The following MAGI2 variants were observed in gnomAD, a reference collection of about 807,000 sequenced individuals.
MAGI2 encodes membrane-associated guanylate kinase, WW and PDZ domain-containing protein 2.
In MAGI2, 35 loss-of-function variants were observed where a neutral mutation model predicts 133.3. The ratio of observed to expected loss-of-function variants is 0.26; its 90% CI spans 0.20 to 0.35. MAGI2 has a LOEUF of 0.35. Among genes scored for constraint, MAGI2 ranks in the 10% least tolerant of loss-of-function variants. The pLI, the probability that MAGI2 is intolerant of heterozygous loss-of-function variation, is 1.00. For missense variants in MAGI2, 1,636 were observed against 1,863.4 expected (o/e 0.88, Z 2.25); for synonymous variants, 729 against 710.6 (o/e 1.03, Z -0.41).
At chr7:78,823,308 G>A (rs879651008) in intron 2 of MAGI2, among the ~76,000 whole-genome samples, 1 of 151,926 alleles carries the variant, frequency 6.6e-6, no homozygotes, top group African/African-American at 2.4e-5. Context: ...TGTCGGCCGG[G>A]CGCGGTGGCT....
chr7:78,862,110 G>A (rs932940508), intron 2 of MAGI2, among the ~76,000 whole-genome samples: 9 of 152,168 alleles, frequency 5.9e-5, no homozygotes, highest in Non-Finnish European at 1.0e-4. Flanking sequence ...CTATGTATTT[G>A]CAGTTAATTT....
At chr7:79,264,251 C>A (rs1289275620) in intron 1 of MAGI2, among the ~76,000 whole-genome samples, 1 of 152,084 alleles carries the variant, frequency 6.6e-6, no homozygotes, top group Admixed American at 6.6e-5. Context: ...AATCTCCTAA[C>A]ACAGATTTTT....
intron 6 of MAGI2, among the ~76,000 whole-genome samples, chr7:78,431,384 A>T (rs1799782262): frequency 6.6e-6 from 1 of 152,030 alleles, no homozygotes; most frequent in African/African-American, 2.4e-5. Flanking sequence ...AGTGGTTGGT[A>T]ACTCACTTTT....
chr7:78,673,636 T>A (rs1035244720), intron 2 of MAGI2, among the ~76,000 whole-genome samples: 25 of 152,110 alleles, frequency 1.6e-4, no homozygotes, highest in African/African-American at 5.8e-4. Context: ...AGGTCAGACA[T>A]TTTTGTTCTG....
chr7:79,004,444 G>C (rs943932116), intron 2 of MAGI2, among the ~76,000 whole-genome samples: 1 of 152,092 alleles, frequency 6.6e-6, no homozygotes, highest in African/African-American at 2.4e-5. Context: ...GATAACAGAG[G>C]GTTAGGAGAG....
chr7:78,431,988 A>C (rs368242907), intron 6 of MAGI2, among the ~76,000 whole-genome samples: 149 of 152,218 alleles, frequency 9.8e-4, no homozygotes, highest in African/African-American at 3.3e-3. Context: ...AAGACCATCA[A>C]ATAAAAATTA....
At chr7:78,497,925 A>G (rs2150514915) in intron 5 of MAGI2, among the ~76,000 whole-genome samples, 1 of 152,280 alleles carries the variant, frequency 6.6e-6, no homozygotes, top group Non-Finnish European at 1.5e-5. Context: ...AGCTCTCACA[A>G]TATCTGTACA....
chr7:78,878,939 G>C (rs1795633412), intron 2 of MAGI2, among the ~76,000 whole-genome samples: 1 of 152,146 alleles, frequency 6.6e-6, no homozygotes, highest in African/African-American at 2.4e-5. Context: ...CTGTTCATCT[G>C]GATCAGCAGC....
At chr7:78,944,738 T>C (rs13243818) in intron 2 of MAGI2, among the ~76,000 whole-genome samples, 14 of 105,836 alleles carry the variant, frequency 1.3e-4, no homozygotes, top group South Asian at 3.3e-4. Context: ...TATTTATTTA[T>C]TTACTTATTT....
At position 78,991,604 on chromosome 7, in the gene MAGI2, T is replaced by A. The variant is rs547779764; in HGVS notation, c.418+15486A>T. On this transcript the variant is annotated intron_variant, in intron 2 of 21. Coordinates refer to ENST00000354212, the MANE Select transcript of MAGI2 (RefSeq NM_012301.4). ...GCTTCATTGTCCTTTTTTTTTTTTT[T>A]TAAATAATGAGGAGAACACTCATGA... is the stretch of plus-strand genomic sequence containing the variant. Among the ~76,000 whole-genome samples, 218 of 151,786 alleles carry A rather than the reference T, an allele frequency of 1.4e-3. 1 individual carries two copies. The highest frequency in any genetic ancestry group is 4.7e-3 in the African/African-American group (194 of 41,430).
intron 3 of MAGI2, among the ~76,000 whole-genome samples, chr7:78,605,857 G>C (rs150508159): frequency 1.2e-3 from 187 of 152,336 alleles, no homozygotes; most frequent in African/African-American, 4.1e-3. Context: ...TGGAGACTGT[G>C]ACGGGAGGTA....
chr7:78,356,053 A>C (rs540253958), intron 7 of MAGI2, among the ~76,000 whole-genome samples: 87 of 152,278 alleles, frequency 5.7e-4, no homozygotes, highest in African/African-American at 1.9e-3. Flanking sequence ...GATCTGTTCC[A>C]AGGGTTGTCT....
chr7:78,141,700 G>A (rs776562515), intron 16 of MAGI2, among the ~76,000 whole-genome samples: 7 of 152,044 alleles, frequency 4.6e-5, no homozygotes, highest in African/African-American at 9.7e-5. Flanking sequence ...CAAAAAGTGC[G>A]TTTTCCCCCC....
At chr7:78,417,604 T>C (rs1798418846) in intron 6 of MAGI2, among the ~76,000 whole-genome samples, 1 of 152,224 alleles carries the variant, frequency 6.6e-6, no homozygotes, top group Non-Finnish European at 1.5e-5. Context: ...ATTCATCCAA[T>C]GTTTCCAACC....
intron 9 of MAGI2, among the ~76,000 whole-genome samples, chr7:78,329,887 G>A (rs1054921478): frequency 6.6e-6 from 1 of 152,130 alleles, no homozygotes; most frequent in Admixed American, 6.5e-5. Context: ...TCTGCCAACA[G>A]AACAGTTGTC....
chr7:79,029,870 G>A (rs991040641), intron 1 of MAGI2, among the ~76,000 whole-genome samples: 1 of 152,044 alleles, frequency 6.6e-6, no homozygotes, highest in African/African-American at 2.4e-5. Context: ...GTTTACTCTG[G>A]TCTCTTGATT....
chr7:78,450,231 A>T (rs6957145), intron 6 of MAGI2, among the ~76,000 whole-genome samples: 50,510 of 151,766 alleles, frequency 0.33, 8,560 homozygotes, highest in East Asian at 0.47. Context: ...GATGCATAAC[A>T]TTCATATGAT....
At chr7:78,745,090 T>G (rs1441231567) in intron 2 of MAGI2, among the ~76,000 whole-genome samples, 2 of 152,324 alleles carry the variant, frequency 1.3e-5, no homozygotes, top group East Asian at 3.9e-4. Flanking sequence ...AACCAACTTA[T>G]AAACATTTGA....
At chr7:79,170,872 A>C (rs1825472006) in intron 1 of MAGI2, among the ~76,000 whole-genome samples, 1 of 152,132 alleles carries the variant, frequency 6.6e-6, no homozygotes, top group African/African-American at 2.4e-5. Context: ...AATGAGAATA[A>C]TAGAGTGCAT....
Sources: gnomAD v4.1 joint callset for allele counts (sites outside exome capture counted in the v4.1 genomes callset) on GRCh38, gnomAD v4.1.1 for gene constraint, MANE v1.5 for transcripts, NCBI Gene and HGNC (gene_info 2026-07-23, HGNC 2026-07-21) for gene names.